Variants in NUDCD1 observed in about 807,000 individuals in gnomAD.
The protein encoded by NUDCD1 is nudC domain-containing protein 1.
A neutral mutation model predicts 67.8 loss-of-function variants in NUDCD1; 60 were observed. The ratio of observed to expected loss-of-function variants is 0.88; its 90% confidence interval spans 0.72 to 1.10. The LOEUF (loss-of-function observed/expected upper bound fraction) is 1.10, where lower values mean the gene tolerates loss of function less well. Ranked by LOEUF, NUDCD1 falls within the 50% of genes least tolerant of loss-of-function variation. The probability of loss-of-function intolerance (pLI) is 0.00; values close to 1 mark genes in which losing one functional copy is unlikely to be tolerated. For missense variants in NUDCD1, 643 were observed against 695.0 expected, an observed-to-expected ratio of 0.93 and a Z score of 0.84; for synonymous variants, 244 against 230.8, an observed-to-expected ratio of 1.06 and a Z score of -0.52.
chr8:109,310,320 C>T (rs1815213107), intron 2 of NUDCD1, among the ~76,000 whole-genome samples: 1 of 152,114 alleles, frequency 6.6e-6, no homozygotes, highest in East Asian at 1.9e-4. Flanking sequence ...AACCCAAATA[C>T]TTACAGCCAA....
At chr8:109,247,439 C>T (rs1263793700) in intron 8 of NUDCD1, among the ~76,000 whole-genome samples, 1 of 152,052 alleles carries the variant, frequency 6.6e-6, no homozygotes, top group East Asian at 1.9e-4. Flanking sequence ...CCTTGAACCA[C>T]GAAGTGAAAG....
At chr8:109,328,700 T>C (rs1392683166) in intron 1 of NUDCD1, among the ~76,000 whole-genome samples, 1 of 152,192 alleles carries the variant, frequency 6.6e-6, no homozygotes, top group Non-Finnish European at 1.5e-5. Flanking sequence ...GCACTGCTCC[T>C]GATCGGACTA....
intron 1 of NUDCD1, among the ~76,000 whole-genome samples, chr8:109,323,631 G>A (rs1161974790): frequency 5.3e-5 from 8 of 151,910 alleles, no homozygotes; most frequent in Non-Finnish European, 2.9e-5. Flanking sequence ...TTTGAGCCAC[G>A]ACATAAAAGA....
At chr8:109,312,370 C>A (rs1815278601) in intron 2 of NUDCD1, among the ~76,000 whole-genome samples, 2 of 149,794 alleles carry the variant, frequency 1.3e-5, no homozygotes, top group African/African-American at 4.9e-5. Flanking sequence ...ATGATTATCT[C>A]ATTGGCCAGA....
rs578220217 is a variant in NUDCD1 at position 109,300,896 on chromosome 8, G to A, written c.274-4327C>T. On this transcript the variant is annotated intron_variant, in intron 2 of 9. Coordinates refer to ENST00000239690, the MANE Select transcript of NUDCD1 (RefSeq NM_032869.4). Reference sequence around the variant, plus strand: ...AGAAAAACCTGTCAGATTAACAGCAGATTTGTCAGCTGAAGCCCTACAAGC... The same window carrying A: ...AGAAAAACCTGTCAGATTAACAGCAAATTTGTCAGCTGAAGCCCTACAAGC... Among the ~76,000 whole-genome samples the A allele has an allele frequency of 7.9e-5, 12 of 152,334 alleles. No individual in the cohort carries two copies. In the South Asian group the frequency reaches 2.5e-3, roughly 32 times the overall value.
At chr8:109,248,161 C>T (rs1813541682) in intron 8 of NUDCD1, among the ~76,000 whole-genome samples, 1 of 152,190 alleles carries the variant, frequency 6.6e-6, no homozygotes, top group African/African-American at 2.4e-5. Flanking sequence ...TGGGCCCGGC[C>T]ACAAGCCAAG....
chr8:109,251,431 A>G (rs950938341), intron 8 of NUDCD1, among the ~76,000 whole-genome samples: 7 of 152,044 alleles, frequency 4.6e-5, no homozygotes, highest in African/African-American at 1.4e-4. Context: ...TCAGCCTCCT[A>G]AAGTGCTGGG....
intron 2 of NUDCD1, among the ~76,000 whole-genome samples, chr8:109,300,538 C>T (rs1168125571): frequency 6.6e-6 from 1 of 152,076 alleles, no homozygotes; most frequent in Non-Finnish European, 1.5e-5. Context: ...TTAACCCCAT[C>T]CAACAAAGAC....
intron 8 of NUDCD1, among the ~76,000 whole-genome samples, chr8:109,259,360 C>A (rs1247829491): frequency 6.6e-6 from 1 of 152,180 alleles, no homozygotes; most frequent in East Asian, 1.9e-4. Context: ...TTGTGTCTGA[C>A]ACAGGAGTTT....
In NUDCD1 at chr8:109,242,812, C is replaced by G. The variant is rs1813397183; in HGVS notation, c.*197G>C. The G allele has an allele frequency of 5.8e-6, 2 of 345,682 alleles. No homozygotes were observed. The highest frequency in any genetic ancestry group is 1.0e-5 in the Non-Finnish European group (2 of 191,904). The allele number at this position is 345,682 out of a possible 1,614,324, so 21.4% of individuals were successfully genotyped here. A position where few individuals can be genotyped will look rare whatever the true frequency, so the allele number is the denominator to read the frequency against. On this transcript the variant is annotated 3_prime_UTR_variant, in exon 10 of 10. Coordinates refer to ENST00000239690, the MANE Select transcript of NUDCD1 (RefSeq NM_032869.4). ...TTTTTTTTTTTCAGAAGCCAATGTTCTCTAAATCTGCAGCTTCATTCCACA... is the reference window on the plus strand; with the variant it reads ...TTTTTTTTTTTCAGAAGCCAATGTTGTCTAAATCTGCAGCTTCATTCCACA...
At chr8:109,262,863 G>A (rs929779425) in intron 8 of NUDCD1, among the ~76,000 whole-genome samples, 2 of 151,710 alleles carry the variant, frequency 1.3e-5, no homozygotes, top group Non-Finnish European at 2.9e-5. Flanking sequence ...GGACCAGCCT[G>A]GCCAACATGG....
chr8:109,292,200 T>C (rs1469803042), intron 4 of NUDCD1, among the ~76,000 whole-genome samples: 1 of 152,186 alleles, frequency 6.6e-6, no homozygotes, highest in Non-Finnish European at 1.5e-5. Flanking sequence ...CTATGGATGC[T>C]TTTGTACTGT....
chr8:109,264,549 T>C (rs1337297872), intron 8 of NUDCD1, among the ~76,000 whole-genome samples: 1 of 152,170 alleles, frequency 6.6e-6, no homozygotes, highest in African/African-American at 2.4e-5. Context: ...CCATTCAAAG[T>C]GTCTCAAAAA....
intron 2 of NUDCD1, among the ~76,000 whole-genome samples, chr8:109,302,513 C>A (rs1468444987): frequency 2.0e-5 from 3 of 152,110 alleles, no homozygotes; most frequent in African/African-American, 7.2e-5. Flanking sequence ...AGCCAGGTCC[C>A]AACTCTTCTT....
intron 2 of NUDCD1, among the ~76,000 whole-genome samples, chr8:109,306,906 T>A (rs1214646455): frequency 6.6e-6 from 1 of 152,020 alleles, no homozygotes; most frequent in Non-Finnish European, 1.5e-5. Context: ...CTGCCCCTAA[T>A]CCCTCTCGAA....
At chr8:109,285,964 T>C (rs1814565878) in intron 5 of NUDCD1, among the ~76,000 whole-genome samples, 1 of 151,938 alleles carries the variant, frequency 6.6e-6, no homozygotes, top group African/African-American at 2.4e-5. Context: ...GAATACAAAA[T>C]CAATGTATGA....
intron 1 of NUDCD1, among the ~76,000 whole-genome samples, chr8:109,326,506 C>T (rs1815685351): frequency 1.3e-5 from 2 of 152,160 alleles, no homozygotes; most frequent in Admixed American, 1.3e-4. Context: ...GGCAGCGAGG[C>T]TTCAATCTCT....
chr8:109,272,867 C>T (rs770856031), intron 7 of NUDCD1, among the ~76,000 whole-genome samples: 1 of 152,014 alleles, frequency 6.6e-6, no homozygotes, highest in Non-Finnish European at 1.5e-5. Context: ...AAGGCACCGC[C>T]AACAATCTCC....
chr8:109,252,416 G>T (rs1586250558), intron 8 of NUDCD1, among the ~76,000 whole-genome samples: 1 of 152,032 alleles, frequency 6.6e-6, no homozygotes, highest in South Asian at 2.1e-4. Context: ...GCTAAGATTT[G>T]ACACTCTTCC....
Sources: gnomAD v4.1 joint callset for allele counts (sites outside exome capture counted in the v4.1 genomes callset) on GRCh38, gnomAD v4.1.1 for gene constraint, MANE v1.5 for transcripts, NCBI Gene and HGNC (gene_info 2026-07-23, HGNC 2026-07-21) for gene names.